SPATA4: variants seen among roughly 807,000 people sequenced by gnomAD.
SPATA4 encodes spermatogenesis-associated protein 4.
SPATA4 carries 35 observed loss-of-function variants against 31.8 expected under a neutral mutation model. The observed-to-expected ratio is 1.10, with a 90% CI of 0.84 to 1.46. SPATA4 has a LOEUF of 1.46. Among genes scored for constraint, SPATA4 ranks in the 40% most tolerant of loss-of-function variants. The pLI is 0.00. For missense variants in SPATA4, 394 were observed against 363.1 expected (o/e 1.09, Z -0.69); for synonymous variants, 126 against 132.4 (o/e 0.95, Z 0.33).
rs199783682 is a variant in SPATA4, at chr4:176,188,257, G to A, written c.689-22C>T. 269 of 1,496,806 alleles carry A rather than the reference G, an allele frequency of 1.8e-4. 2 individuals are homozygous for A. In the African/African-American group the frequency reaches 3.2e-3, roughly 18 times the overall value. The allele number at this position is 1,496,806 out of a possible 1,614,324, so 92.7% of individuals were successfully genotyped here. A position where few individuals can be genotyped will look rare whatever the true frequency, so the allele number is the denominator to read the frequency against. The stretch of plus-strand genomic sequence containing the variant: ...CATTCTATAAAATATGAACACAAAA[G>A]TTATTTCTTAAAAAGCCATAATGGC... On this transcript the variant is annotated intron_variant, in intron 4 of 5. Transcript: ENST00000280191.
chr4:176,193,045 T>C lies in SPATA4; in HGVS notation c.380A>G (p.Lys127Arg). 6.3e-7 allele frequency: 1 copy of C among 1,597,624 alleles called. No individual in the cohort carries two copies. The highest frequency in any genetic ancestry group is 8.5e-7 in the Non-Finnish European group (1 of 1,175,676). The change falls in exon 3 of 6, where the codon AAA becomes AGA. Residue 127 changes from lysine (K) to arginine (R), a missense_variant. Physicochemically the swap from Lys to Arg is conservative, Grantham distance 26. Transcript: ENST00000280191. ...FLARKKFKLP[K>R]ELIHGTIHCK... ...ATGAATTGTTCCATGGATTAGTTCT[T>C]TAGGTAATTTAAATTTTTTTCTTGC...
intron 5 of SPATA4, among the ~76,000 whole-genome samples, chr4:176,185,582 G>C (rs1027356853): frequency 1.3e-5 from 2 of 152,154 alleles, no homozygotes; most frequent in African/African-American, 4.8e-5. Context: ...ACAGTCTAGT[G>C]TTTTTGCTTC....
chr4:176,191,588 A>G (rs763131427), intron 4 of SPATA4, among the ~76,000 whole-genome samples: 3 of 152,232 alleles, frequency 2.0e-5, no homozygotes, highest in Admixed American at 2.0e-4. Flanking sequence ...GTACATATAC[A>G]TTATATACGT....
rs754894435 is a variant in SPATA4, at chr4:176,184,858, T to A, written c.840A>T (p.Glu280Asp). The A allele has an allele frequency of 1.1e-5, 17 of 1,600,992 alleles. No individual in the cohort carries two copies. Among genetic ancestry groups the A allele is most frequent in the Non-Finnish European group, 8.5e-7 (1 of 1,173,828 alleles). ...NIGSGGSSHR[E>D]IHVKQAGQHS... ...GTTGTCCAGCTTGCTTCACATGTAT[T>A]TCTCTATGTGAACTGCCACCACTAC... Residue 280 changes from glutamate to aspartate, a missense_variant, in exon 6 of 6, where the codon GAA becomes GAT. By Grantham distance (45) the Glu-to-Asp change is conservative. Coordinates refer to ENST00000280191, the MANE Select transcript of SPATA4 (RefSeq NM_144644.4).
Position 176,195,438 on chromosome 4 carries a change from T to C in SPATA4, c.125A>G (p.Tyr42Cys), listed in dbSNP as rs1418071450. The change falls in exon 1 of 6, where the codon TAT becomes TGT. Residue 42 changes from tyrosine (Y) to cysteine (C), a missense_variant. Tyr to Cys is a radical substitution (Grantham distance 194, BLOSUM62 -2). Transcript: ENST00000280191. ...GCGGGAGCTCTTCGGCGCATGCGGA[T>C]AGACCAGACACTTCTTAGGCCTCCC... is the stretch of plus-strand genomic sequence containing the variant. ...IRGRPKKCLV[Y>C]PHAPKSSRLS... 3 of 1,614,268 alleles carry C rather than the reference T, an allele frequency of 1.9e-6. No individual in the cohort carries two copies. Among genetic ancestry groups the C allele is most frequent in the Non-Finnish European group, 2.5e-6 (3 of 1,180,048 alleles).
At chr4:176,190,207 C>T (rs1752506530) in intron 4 of SPATA4, among the ~76,000 whole-genome samples, 1 of 152,126 alleles carries the variant, frequency 6.6e-6, no homozygotes, top group Non-Finnish European at 1.5e-5. Context: ...TTAGTTTTTA[C>T]TTCTTCTTTC....
intron 4 of SPATA4, among the ~76,000 whole-genome samples, chr4:176,191,968 C>T (rs1232189161): frequency 1.3e-5 from 2 of 152,112 alleles, no homozygotes; most frequent in African/African-American, 4.8e-5. Context: ...AGAAATGATG[C>T]GGTCTCTAGA....
intron 4 of SPATA4, among the ~76,000 whole-genome samples, chr4:176,191,233 T>C (rs1022736422): frequency 2.6e-5 from 4 of 151,916 alleles, no homozygotes; most frequent in Admixed American, 6.6e-5. Context: ...GTAGCTGGGA[T>C]TACAGGCACA....
At position 176,184,831 on chromosome 4, in the gene SPATA4, A is replaced by G; in HGVS notation, c.867T>C (p.His289=). The change falls in exon 6 of 6, where the codon CAT becomes CAC. Residue 289 remains histidine, a synonymous_variant. Coordinates refer to ENST00000280191, the MANE Select transcript of SPATA4 (RefSeq NM_144644.4). ...REIHVKQAGQ[H]SYYSAMKPIR... is the part of the protein sequence containing the mutation. ...TAGGTTTCATAGCAGAGTAATAAGA[A>G]TGTTGTCCAGCTTGCTTCACATGTA... 6.2e-7 allele frequency: 1 copy of G among 1,604,700 alleles called. No individual in the cohort carries two copies. The highest frequency in any genetic ancestry group is 8.5e-7 in the Non-Finnish European group (1 of 1,175,700).
chr4:176,193,003 G>A lies in SPATA4; in HGVS notation c.422C>T (p.Pro141Leu), dbSNP rs1304125590. The A allele has an allele frequency of 1.1e-5, 18 of 1,610,464 alleles. No individual in the cohort carries two copies. The highest frequency in any genetic ancestry group is 1.5e-5 in the Non-Finnish European group (18 of 1,179,088). ...GTAAACCTCTTCTATCAATATTTCAGGCACTCCAGCTTTACAATGAATTGT... is the reference window on the plus strand; with the variant it reads ...GTAAACCTCTTCTATCAATATTTCAAGCACTCCAGCTTTACAATGAATTGT... Reference protein sequence around the residue: ...HGTIHCKAGVPEILIEEVYTL... With the variant: ...HGTIHCKAGVLEILIEEVYTL... The change falls in exon 3 of 6, where the codon CCT becomes CTT. Residue 141 changes from proline to leucine, a missense_variant. Coordinates refer to ENST00000280191, the MANE Select transcript of SPATA4 (RefSeq NM_144644.4).
intron 1 of SPATA4, chr4:176,194,722 A>ATTTTTT (rs56999786): frequency 4.0e-5 from 4 of 100,320 alleles, no homozygotes; most frequent in Admixed American, 1.2e-4. Flanking sequence ...CCTTACCAGT[A>ATTTTTT]TTTTTTTTTT....
Position 176,188,260 on chromosome 4 carries a change from A to G in SPATA4, c.689-25T>C, listed in dbSNP as rs377466118. ...TCTATAAAATATGAACACAAAAGTT[A>G]TTTCTTAAAAAGCCATAATGGCCAT... is the stretch of plus-strand genomic sequence containing the variant. On this transcript the variant is annotated intron_variant, in intron 4 of 5. Coordinates refer to ENST00000280191, the MANE Select transcript of SPATA4 (RefSeq NM_144644.4). 4.0e-6 allele frequency: 6 copies of G among 1,489,338 alleles called. No individual in the cohort carries two copies. The African/African-American group carries it at 4.2e-5, about 11-fold the overall frequency. The allele number at this position is 1,489,338 out of a possible 1,614,324, so 92.3% of individuals were successfully genotyped here.
intron 4 of SPATA4, among the ~76,000 whole-genome samples, chr4:176,189,186 C>T (rs970685529): frequency 6.6e-6 from 1 of 152,066 alleles, no homozygotes; most frequent in Non-Finnish European, 1.5e-5. Flanking sequence ...TATAACTGGA[C>T]AGAACTGAAA....
intron 2 of SPATA4, 93 bp from the exon 3 acceptor site, chr4:176,193,169 C>T (rs1752560199): frequency 1.1e-6 from 1 of 886,944 alleles, no homozygotes; most frequent in Non-Finnish European, 1.7e-6. Flanking sequence ...TTTTATTTAC[C>T]TATGAAGTAA....
At chr4:176,192,909 CAA>C (rs752874442) in intron 3 of SPATA4, 47 bp downstream of exon 3, 1 of 1,583,630 alleles carries the variant, frequency 6.3e-7, no homozygotes, top group Non-Finnish European at 8.6e-7. Context: ...TTTATATTAT[CAA>C]AAGTTTCACA....
intron 4 of SPATA4, 84 bp from the exon 5 acceptor site, chr4:176,188,319 G>A (rs1752477748): frequency 4.6e-6 from 4 of 875,404 alleles, no homozygotes; most frequent in Admixed American, 5.2e-5. Context: ...TAAAAATTAA[G>A]TAAATTATTT....
At chr4:176,193,989 A>T (rs944439114) in intron 1 of SPATA4, 1 of 160,266 alleles carries the variant, frequency 6.2e-6, no homozygotes, top group African/African-American at 2.4e-5. Context: ...TGGAAAATTC[A>T]AGAAATAATT....
chr4:176,195,432 T>G lies in SPATA4; in HGVS notation c.131A>C (p.His44Pro), dbSNP rs1189653567. The G allele has an allele frequency of 6.2e-7, 1 of 1,614,246 alleles. No individual in the cohort carries two copies. Among genetic ancestry groups the G allele is most frequent in the Non-Finnish European group, 8.5e-7 (1 of 1,180,042 alleles). The stretch of plus-strand genomic sequence containing the variant: ...AGACAAGCGGGAGCTCTTCGGCGCA[T>G]GCGGATAGACCAGACACTTCTTAGG... Reference protein sequence around the residue: ...GRPKKCLVYPHAPKSSRLSRS... With the variant: ...GRPKKCLVYPPAPKSSRLSRS... Residue 44 changes from histidine (H) to proline (P), a missense_variant, in exon 1 of 6, where the codon CAT (histidine) becomes CCT (proline). His to Pro is a moderately conservative substitution (Grantham distance 77, BLOSUM62 -2). Transcript: ENST00000280191.
At chr4:176,187,643 A>G (rs1251729658) in intron 5 of SPATA4, among the ~76,000 whole-genome samples, 12 of 152,198 alleles carry the variant, frequency 7.9e-5, no homozygotes, top group Non-Finnish European at 1.3e-4. Context: ...TAACTTGTGA[A>G]CTATACAAAA....
Sources: allele counts gnomAD v4.1 joint callset (sites outside exome capture counted in the v4.1 genomes callset), GRCh38; gene constraint gnomAD v4.1.1; transcripts MANE v1.5; gene names NCBI Gene and HGNC (gene_info 2026-07-23, HGNC 2026-07-21).